FBXL13: variants seen among roughly 807,000 people sequenced by gnomAD.
FBXL13 encodes F-box and leucine-rich repeat protein 13.
Under a neutral mutation model 83.6 loss-of-function variants are expected in FBXL13, and 67 were observed. The observed-to-expected ratio is 0.80, with a 90% CI of 0.66 to 0.98. The LOEUF is 0.98. FBXL13 is among the 50% of genes least tolerant of loss of function. The pLI is 0.00. For missense variants in FBXL13, 822 were observed against 866.5 expected, an observed-to-expected ratio of 0.95 and a Z score of 0.64; for synonymous variants, 272 against 299.5, an observed-to-expected ratio of 0.91 and a Z score of 0.95.
At chr7:102,871,101 A>G (rs1392049616) in intron 16 of FBXL13, among the ~76,000 whole-genome samples, 1 of 151,658 alleles carries the variant, frequency 6.6e-6, no homozygotes, top group African/African-American at 2.4e-5. Context: ...CTCCTTAAAC[A>G]CTGATGTTCT....
intron 6 of FBXL13, among the ~76,000 whole-genome samples, chr7:103,021,885 C>G (rs966020183): frequency 6.6e-6 from 1 of 152,182 alleles, no homozygotes; most frequent in African/African-American, 2.4e-5. Flanking sequence ...GTTGGTGGGA[C>G]TGTAAACTAG....
intron 6 of FBXL13, among the ~76,000 whole-genome samples, chr7:102,980,132 G>A (rs1480775730): frequency 1.3e-5 from 2 of 152,158 alleles, no homozygotes; most frequent in African/African-American, 4.8e-5. Context: ...CAAATTTGCA[G>A]TAAGTGCAAG....
intron 6 of FBXL13, among the ~76,000 whole-genome samples, chr7:102,993,077 T>G (rs1429843458): frequency 1.3e-5 from 2 of 152,238 alleles, no homozygotes; most frequent in Admixed American, 1.3e-4. Context: ...ACATACTTCC[T>G]TGATAGAGCA....
intron 6 of FBXL13, among the ~76,000 whole-genome samples, chr7:103,005,965 T>A (rs1210154364): frequency 6.6e-6 from 1 of 152,184 alleles, no homozygotes; most frequent in African/African-American, 2.4e-5. Context: ...AGGTAACTGG[T>A]ACCAGGCTAT....
chr7:103,073,007 G>A (rs942099225), intron 1 of FBXL13, among the ~76,000 whole-genome samples: 1 of 152,156 alleles, frequency 6.6e-6, no homozygotes, highest in Non-Finnish European at 1.5e-5. Context: ...CCGGGAAGAT[G>A]GGTACCATTC....
intron 17 of FBXL13, among the ~76,000 whole-genome samples, chr7:102,845,437 A>G (rs779528832): frequency 6.6e-6 from 1 of 152,192 alleles, no homozygotes; most frequent in Non-Finnish European, 1.5e-5. Context: ...TATATTTCCT[A>G]TAAATCACAT....
chr7:102,954,938 T>G (rs1184160934), intron 8 of FBXL13, among the ~76,000 whole-genome samples: 1 of 152,070 alleles, frequency 6.6e-6, no homozygotes, highest in Non-Finnish European at 1.5e-5. Context: ...CACACAATAA[T>G]AAGGGGAGAG....
At chr7:102,867,695 A>ATATTTTTTTTT (rs1239781180) in intron 16 of FBXL13, among the ~76,000 whole-genome samples, 1 of 49,064 alleles carries the variant, frequency 2.0e-5, no homozygotes, top group African/African-American at 1.2e-4. Flanking sequence ...ATATATATAT[A>ATATTTTTTTTT]TTTTTTTTTT....
intron 6 of FBXL13, among the ~76,000 whole-genome samples, chr7:103,014,030 A>C (rs959180586): frequency 3.3e-5 from 5 of 152,216 alleles, no homozygotes; most frequent in Admixed American, 3.3e-4. Flanking sequence ...AAGTTAGAAA[A>C]CCTAAAAGAA....
At chr7:102,933,746 T>G (rs999580310) in intron 8 of FBXL13, 28 of 632,738 alleles carry the variant, frequency 4.4e-5, no homozygotes, top group Non-Finnish European at 7.0e-5. Context: ...GGGCCTTAAT[T>G]TTTAATATAT....
intron 1 of FBXL13, among the ~76,000 whole-genome samples, chr7:103,065,079 G>A (rs1798264487): frequency 6.6e-6 from 1 of 151,984 alleles, no homozygotes; most frequent in African/African-American, 2.4e-5. Context: ...ATGTCACATG[G>A]CAATAGATAA....
chr7:102,827,222 C>T (rs1022546003), intron 18 of FBXL13: 2 of 442,718 alleles, frequency 4.5e-6, no homozygotes, highest in South Asian at 3.1e-5. Context: ...GAGGATGAGA[C>T]CGCATGAAGC....
At chr7:102,867,693 ATATTTTTTT>A (rs1279585445) in intron 16 of FBXL13, among the ~76,000 whole-genome samples, 764 of 66,168 alleles carry the variant, frequency 0.012, 8 homozygotes, top group East Asian at 0.046. Context: ...ATATATATAT[ATATTTTTTT>A]TTTTTTTTTT....
intron 8 of FBXL13, among the ~76,000 whole-genome samples, chr7:102,953,058 A>G (rs1823672040): frequency 6.6e-6 from 1 of 152,120 alleles, no homozygotes; most frequent in Non-Finnish European, 1.5e-5. Flanking sequence ...TCATGGGCAA[A>G]TTTTACCAAA....
chr7:102,883,623 G>T, exon 13 of FBXL13: 1 of 1,612,406 alleles, frequency 6.2e-7, no homozygotes, highest in Non-Finnish European at 8.5e-7. Context: ...AAGTACAATC[G>T]GAGATATGCG....
chr7:102,880,062 T>C (rs1248119445), intron 14 of FBXL13, among the ~76,000 whole-genome samples: 1 of 152,248 alleles, frequency 6.6e-6, no homozygotes, highest in Non-Finnish European at 1.5e-5. Context: ...GGATTTTTAC[T>C]TTTAAATTCT....
chr7:103,034,440 C>A (rs1794860819), intron 2 of FBXL13, among the ~76,000 whole-genome samples: 1 of 152,252 alleles, frequency 6.6e-6, no homozygotes, highest in African/African-American at 2.4e-5. Flanking sequence ...CAGCTGCTGG[C>A]CCAGGTGCTA....
intron 6 of FBXL13, among the ~76,000 whole-genome samples, chr7:102,970,914 A>T (rs1480066861): frequency 1.3e-5 from 2 of 152,234 alleles, no homozygotes; most frequent in African/African-American, 4.8e-5. Flanking sequence ...AAATAAAGAG[A>T]TGAAAAATAT....
At chr7:102,912,725 T>A (rs1443061705) in intron 11 of FBXL13, among the ~76,000 whole-genome samples, 1 of 132,382 alleles carries the variant, frequency 7.6e-6, no homozygotes, top group Non-Finnish European at 1.6e-5. Context: ...TTTTCAGGAA[T>A]CCCATGCAAA....
Sources: gnomAD v4.1 joint callset for allele counts (sites outside exome capture counted in the v4.1 genomes callset) on GRCh38, gnomAD v4.1.1 for gene constraint, MANE v1.5 for transcripts, NCBI Gene and HGNC (gene_info 2026-07-23, HGNC 2026-07-21) for gene names.